Variants in MYT1L observed in about 807,000 individuals in gnomAD.
MYT1L encodes the protein myelin transcription factor 1-like protein.
A neutral mutation model predicts 126.7 loss-of-function variants in MYT1L; 12 were observed. The ratio of observed to expected loss-of-function variants is 0.09; its 90% CI spans 0.06 to 0.15. MYT1L has a LOEUF of 0.15. MYT1L is among the 10% of genes least tolerant of loss of function. MYT1L has a pLI of 1.00. For missense variants in MYT1L, 979 were observed against 1,585.2 expected, an observed-to-expected ratio of 0.62 and a Z score of 6.49; for synonymous variants, 541 against 604.2, an observed-to-expected ratio of 0.90 and a Z score of 1.53.
chr2:1,842,912 GGC>G (rs2041974315), intron 19 of MYT1L: 1 of 177,910 alleles, frequency 5.6e-6, no homozygotes, highest in Non-Finnish European at 1.2e-5. Flanking sequence ...TCCGCTTCCA[GGC>G]GCTTCCGCTT....
At chr2:2,184,171 TA>T (rs562617127) in intron 2 of MYT1L, among the ~76,000 whole-genome samples, 179 of 152,214 alleles carry the variant, frequency 1.2e-3, no homozygotes, top group African/African-American at 4.0e-3. Context: ...TTTAAACGTC[TA>T]AAAAACACAG....
chr2:2,196,238 A>T (rs1167942625), intron 2 of MYT1L, among the ~76,000 whole-genome samples: 1 of 151,696 alleles, frequency 6.6e-6, no homozygotes, highest in East Asian at 1.9e-4. Flanking sequence ...AAATAAAGTG[A>T]TTGCCTATGT....
rs148952315 is a variant in MYT1L at position 1,902,950 on chromosome 2, A to G, written c.2032+130T>C. 1.8e-4 allele frequency: 148 copies of G among 830,594 alleles called. No homozygotes were observed. The East Asian group carries it at 3.7e-3, about 21-fold the overall frequency. The allele number at this position is 830,594 out of a possible 1,614,324, so 51.5% of individuals were successfully genotyped here. ...CTTTCAGCTCCTGGGCTGTGCTATG[A>G]AAGTCCTGTTCTTTTGGTACCCATT... On this transcript the variant is annotated intron_variant, in intron 14 of 24. Coordinates refer to ENST00000647738, the MANE Select transcript of MYT1L (RefSeq NM_001303052.2).
chr2:1,963,803 C>T (rs530846973), intron 8 of MYT1L, among the ~76,000 whole-genome samples: 3 of 152,234 alleles, frequency 2.0e-5, no homozygotes, highest in Non-Finnish European at 4.4e-5. Context: ...TCTGAGTAGC[C>T]TCTGGCTTTA....
intron 20 of MYT1L, 52 bp downstream of exon 20, chr2:1,840,708 C>G: frequency 7.6e-7 from 1 of 1,317,138 alleles, no homozygotes; most frequent in Non-Finnish European, 1.1e-6. Context: ...TTGAATGCCT[C>G]GTCCCCACAT....
chr2:2,123,412 G>A (rs2081298398), intron 3 of MYT1L, among the ~76,000 whole-genome samples: 1 of 152,082 alleles, frequency 6.6e-6, no homozygotes, highest in East Asian at 1.9e-4. Context: ...TCTGTGTCCC[G>A]CCCAAATCTC....
intron 3 of MYT1L, among the ~76,000 whole-genome samples, chr2:2,103,918 G>T (rs1462197871): frequency 6.6e-6 from 1 of 152,206 alleles, no homozygotes; most frequent in Non-Finnish European, 1.5e-5. Context: ...CAGCTCAGTC[G>T]AAGGCAAGCT....
intron 2 of MYT1L, among the ~76,000 whole-genome samples, chr2:2,282,754 T>C (rs2149411029): frequency 6.6e-6 from 1 of 152,252 alleles, no homozygotes. Context: ...CTAGATGAGG[T>C]AACGGAATAA....
intron 3 of MYT1L, among the ~76,000 whole-genome samples, chr2:2,112,867 G>C (rs993294870): frequency 2.0e-5 from 3 of 152,170 alleles, no homozygotes; most frequent in African/African-American, 7.2e-5. Flanking sequence ...CCCGCGAGTC[G>C]CACAGTGGTG....
intron 9 of MYT1L, among the ~76,000 whole-genome samples, chr2:1,940,890 G>A (rs2056570887): frequency 6.6e-6 from 1 of 152,248 alleles, no homozygotes; most frequent in African/African-American, 2.4e-5. Flanking sequence ...TGGCCGCAGA[G>A]TTAGAAATCC....
Position 1,793,495 on chromosome 2 carries a change from T to A in MYT1L, c.3277-1031A>T, listed in dbSNP as rs1201825117. Among the ~76,000 whole-genome samples, 8 of 152,196 alleles carry A rather than the reference T, an allele frequency of 5.3e-5. No homozygotes were observed. Among genetic ancestry groups the A allele is most frequent in the Non-Finnish European group, 1.0e-4 (7 of 68,034 alleles). On this transcript the variant is annotated intron_variant, in intron 23 of 24. Coordinates refer to ENST00000647738, the MANE Select transcript of MYT1L (RefSeq NM_001303052.2). This position sits in a 1 kb window ranked among gnomAD's most constrained non-coding sequence, Gnocchi z 4.6. ...CCTGACGTGTCATTCCTAAGTCCTCTCACGAGAGTCTCTCCTCCTCTCCCT... is the reference window on the plus strand; with the variant it reads ...CCTGACGTGTCATTCCTAAGTCCTCACACGAGAGTCTCTCCTCCTCTCCCT...
intron 4 of MYT1L, among the ~76,000 whole-genome samples, chr2:2,008,866 A>AT (rs2063563733): frequency 6.6e-6 from 1 of 152,108 alleles, no homozygotes; most frequent in African/African-American, 2.4e-5. Context: ...TTTTTAATGT[A>AT]TAAGACAAGG....
At chr2:1,918,650 T>C (rs1046975470) in intron 10 of MYT1L, among the ~76,000 whole-genome samples, 1 of 152,216 alleles carries the variant, frequency 6.6e-6, no homozygotes, top group Non-Finnish European at 1.5e-5. Context: ...ACACTCCCCT[T>C]TTCTTTTTTA....
chr2:2,321,125 T>A (rs1369238141), intron 1 of MYT1L, among the ~76,000 whole-genome samples: 3 of 152,194 alleles, frequency 2.0e-5, no homozygotes, highest in South Asian at 4.1e-4. Context: ...TGTTGATGAG[T>A]TCTTCTGGTG....
chr2:1,938,931 G>A (rs143400679), intron 9 of MYT1L, among the ~76,000 whole-genome samples: 208 of 152,240 alleles, frequency 1.4e-3, no homozygotes, highest in African/African-American at 4.8e-3. Context: ...ATAATCTGGG[G>A]GTTTGTATAC....
At chr2:2,002,600 T>A (rs1360382132) in intron 4 of MYT1L, among the ~76,000 whole-genome samples, 1 of 152,216 alleles carries the variant, frequency 6.6e-6, no homozygotes, top group Non-Finnish European at 1.5e-5. Flanking sequence ...AAGGGTGTAA[T>A]CATTTGTCCT....
At chr2:2,085,282 C>T (rs1433713974) in intron 3 of MYT1L, among the ~76,000 whole-genome samples, 1 of 152,164 alleles carries the variant, frequency 6.6e-6, no homozygotes, top group Non-Finnish European at 1.5e-5. Flanking sequence ...TCCCCTGCCC[C>T]AAATCCTCTA....
intron 3 of MYT1L, among the ~76,000 whole-genome samples, chr2:2,166,439 T>C (rs558455163): frequency 1.5e-4 from 23 of 152,356 alleles, no homozygotes; most frequent in Non-Finnish European, 2.2e-4. Context: ...TGCATAACTG[T>C]GTATTATAAT....
At chr2:2,168,130 T>C (rs1364263363) in intron 3 of MYT1L, among the ~76,000 whole-genome samples, 2 of 152,188 alleles carry the variant, frequency 1.3e-5, no homozygotes, top group Non-Finnish European at 2.9e-5. Flanking sequence ...TCAGTGTGTG[T>C]AGACCTATGA....
Sources: gnomAD v4.1 joint callset for allele counts (sites outside exome capture counted in the v4.1 genomes callset) on GRCh38, gnomAD v4.1.1 for gene constraint, Gnocchi (gnomAD v3.1) non-coding constraint, MANE v1.5 for transcripts, NCBI Gene and HGNC (gene_info 2026-07-23, HGNC 2026-07-21) for gene names.